ARHGEF28: variants seen among roughly 807,000 people sequenced by gnomAD.
ARHGEF28 encodes the protein 190 kDa guanine nucleotide exchange factor.
ARHGEF28 carries 152 observed loss-of-function variants against 206.6 expected under a neutral mutation model. That is an observed-to-expected ratio of 0.74 (90% confidence interval 0.64 to 0.84). The LOEUF (loss-of-function observed/expected upper bound fraction) is 0.84, where lower values mean the gene tolerates loss of function less well. Among genes scored for constraint, ARHGEF28 ranks in the 40% least tolerant of loss-of-function variants. The pLI is 0.00. For missense variants in ARHGEF28, 2,028 were observed against 2,073.2 expected, an observed-to-expected ratio of 0.98 and a Z score of 0.42; for synonymous variants, 763 against 776.4, an observed-to-expected ratio of 0.98 and a Z score of 0.29.
rs79107573 is a variant in ARHGEF28, at chr5:73,678,329, C to T, written c.-11-6512C>T. Among the ~76,000 whole-genome samples the T allele has an allele frequency of 5.8e-3, 879 of 151,852 alleles. 9 individuals are homozygous for T. The highest frequency in any genetic ancestry group is 0.02 in the African/African-American group (822 of 41,412). On this transcript the variant is annotated intron_variant, in intron 1 of 35. Coordinates refer to ENST00000513042, the MANE Select transcript of ARHGEF28 (RefSeq NM_001177693.2). ...AGTGAAAAGTGGTTGCTCTGAAAAA[C>T]AAAATTAATTGCTGTTCAAATGGTT...
At chr5:73,880,079 C>T (rs1580035602) in intron 22 of ARHGEF28, among the ~76,000 whole-genome samples, 1 of 152,212 alleles carries the variant, frequency 6.6e-6, no homozygotes, top group East Asian at 1.9e-4. Flanking sequence ...GTGGGCTCTA[C>T]CCACTTGGAG....
chr5:73,887,205 A>C (rs1473693332), intron 25 of ARHGEF28, among the ~76,000 whole-genome samples: 1 of 152,206 alleles, frequency 6.6e-6, no homozygotes, highest in Non-Finnish European at 1.5e-5. Context: ...GGAATCTTAA[A>C]CCTTGCTCAG....
At position 73,773,922 on chromosome 5, in the gene ARHGEF28, C is replaced by T; in HGVS notation, c.543C>T (p.Phe181=). 6.2e-7 allele frequency: 1 copy of T among 1,608,576 alleles called. No individual in the cohort carries two copies. Among genetic ancestry groups the T allele is most frequent in the Non-Finnish European group, 8.5e-7 (1 of 1,177,362 alleles). Residue 181 remains phenylalanine, a synonymous_variant, in exon 5 of 36, where the codon TTC becomes TTT. Transcript: ENST00000513042. The part of the protein sequence containing the change: ...MRWGLAKLSQ[F]FLCLPGGVQA... ...GGGGCCTGGCTAAACTTTCCCAGTT[C>T]TTCTTGTGTCTCCCGGGGGGAGTCC...
At chr5:73,832,518 A>G in intron 10 of ARHGEF28, 59 bp downstream of exon 10, 1 of 1,578,076 alleles carries the variant, frequency 6.3e-7, no homozygotes, top group Non-Finnish European at 8.6e-7. Flanking sequence ...CTGGGTTTGT[A>G]AGAAATAGAT....
chr5:73,882,610 CT>C lies in ARHGEF28; in HGVS notation c.2937+19del. 1 of 1,461,448 alleles carries C rather than the reference CT, an allele frequency of 6.8e-7. No homozygotes were observed. The highest frequency in any genetic ancestry group is 1.4e-5 in the South Asian group (1 of 72,274). The allele number at this position is 1,461,448 out of a possible 1,614,324, so 90.5% of individuals were successfully genotyped here. A position where few individuals can be genotyped will look rare whatever the true frequency, so the allele number is the denominator to read the frequency against. ...TTTTATTAAGGCAAGTATTTTAAAACTTTATTACAAAGTGATAAATCAGCAT... is the reference window on the plus strand; with the variant it reads ...TTTTATTAAGGCAAGTATTTTAAAACTTATTACAAAGTGATAAATCAGCAT... On this transcript the variant is annotated intron_variant, in intron 23 of 35. Transcript: ENST00000513042.
At chr5:73,804,526 A>AT (rs1426227820) in intron 9 of ARHGEF28, among the ~76,000 whole-genome samples, 1 of 152,218 alleles carries the variant, frequency 6.6e-6, no homozygotes, top group African/African-American at 2.4e-5. Flanking sequence ...ATTCTTTAAA[A>AT]TTTTTTTAAA....
rs1758372391 is a variant in ARHGEF28, at chr5:73,846,479, T to C, written c.1635+4T>C. On this transcript the variant is annotated splice_donor_region_variant and intron_variant, in intron 12 of 35. Coordinates refer to ENST00000513042, the MANE Select transcript of ARHGEF28 (RefSeq NM_001177693.2). ...ATCAAGTAATCTACAGTCGAAGGTA[T>C]TCTTATTGCTATTAATTTGGTATAT... 1.2e-6 allele frequency: 2 copies of C among 1,611,380 alleles called. No homozygotes were observed. Among genetic ancestry groups the C allele is most frequent in the Non-Finnish European group, 1.7e-6 (2 of 1,177,564 alleles).
intron 2 of ARHGEF28, among the ~76,000 whole-genome samples, chr5:73,716,926 C>G (rs1347447276): frequency 6.6e-6 from 1 of 151,972 alleles, no homozygotes; most frequent in South Asian, 2.1e-4. Context: ...TCTATGCCTC[C>G]TGTGCTTGGA....
intron 14 of ARHGEF28, among the ~76,000 whole-genome samples, chr5:73,854,059 A>G (rs1381059170): frequency 6.6e-6 from 1 of 150,640 alleles, no homozygotes; most frequent in East Asian, 1.9e-4. Context: ...TCTATTCTTT[A>G]ATCTTTCTTG....
At chr5:73,880,653 C>T (rs1760861189) in intron 22 of ARHGEF28, among the ~76,000 whole-genome samples, 2 of 152,298 alleles carry the variant, frequency 1.3e-5, no homozygotes, top group Admixed American at 6.5e-5. Flanking sequence ...ACAGTTTTTG[C>T]TGGGCATGGT....
At chr5:73,882,763 A>G (rs1207864303) in intron 23 of ARHGEF28, among the ~76,000 whole-genome samples, 169 bp downstream of exon 23, 2 of 152,306 alleles carry the variant, frequency 1.3e-5, no homozygotes, top group African/African-American at 4.8e-5. Flanking sequence ...TTTCTGTATT[A>G]GTAAAATATT....
At chr5:73,747,090 T>A (rs965897500) in intron 2 of ARHGEF28, among the ~76,000 whole-genome samples, 3 of 152,162 alleles carry the variant, frequency 2.0e-5, no homozygotes, top group Non-Finnish European at 4.4e-5. Flanking sequence ...TATTTGAGTG[T>A]TTTTTATTTT....
intron 1 of ARHGEF28, among the ~76,000 whole-genome samples, chr5:73,673,737 G>A (rs1400096181): frequency 1.3e-5 from 2 of 152,156 alleles, no homozygotes; most frequent in Non-Finnish European, 2.9e-5. Flanking sequence ...GTTTCTGGTA[G>A]ACACTAAGTT....
At chr5:73,661,122 C>T (rs1745574445) in intron 1 of ARHGEF28, among the ~76,000 whole-genome samples, 1 of 152,222 alleles carries the variant, frequency 6.6e-6, no homozygotes, top group Non-Finnish European at 1.5e-5. Flanking sequence ...CTGTAGCCAC[C>T]TTCATCAATG....
At position 73,844,268 on chromosome 5, in the gene ARHGEF28, C is replaced by T. The variant is rs140432609; in HGVS notation, c.1428-2000C>T. On this transcript the variant is annotated intron_variant, in intron 11 of 35. Transcript: ENST00000513042. ...TAACTGGAAAGGCTTGTGTTAAAAT[C>T]GGATATTATTGCGGGCTGCCAATCA... 1.8e-3 allele frequency among the ~76,000 whole-genome samples: 281 copies of T among 152,240 alleles called. 3 individuals are homozygous for T. Among genetic ancestry groups the T allele is most frequent in the African/African-American group, 6.3e-3 (263 of 41,562 alleles).
At chr5:73,650,888 A>G (rs1457740569) in intron 1 of ARHGEF28, among the ~76,000 whole-genome samples, 1 of 152,094 alleles carries the variant, frequency 6.6e-6, no homozygotes, top group Non-Finnish European at 1.5e-5. Flanking sequence ...GCCTCAAGTG[A>G]TCCACCCACC....
At chr5:73,695,444 G>A (rs1365731656) in intron 2 of ARHGEF28, among the ~76,000 whole-genome samples, 1 of 152,044 alleles carries the variant, frequency 6.6e-6, no homozygotes, top group African/African-American at 2.4e-5. Flanking sequence ...CTCTCGTCTT[G>A]ACCTCTGCCC....
chr5:73,719,376 A>G (rs1323626989), intron 2 of ARHGEF28, among the ~76,000 whole-genome samples: 1 of 150,644 alleles, frequency 6.6e-6, no homozygotes, highest in Non-Finnish European at 1.5e-5. Flanking sequence ...ACGCCGCTGC[A>G]CTTCAGCCTA....
intron 2 of ARHGEF28, among the ~76,000 whole-genome samples, chr5:73,740,176 C>CAAAA (rs550677123): frequency 1.2e-5 from 1 of 85,994 alleles, no homozygotes; most frequent in Non-Finnish European, 2.3e-5. Flanking sequence ...GAACCTATCT[C>CAAAA]AAAAAAAAAA....
Sources: allele counts gnomAD v4.1 joint callset (sites outside exome capture counted in the v4.1 genomes callset), GRCh38; gene constraint gnomAD v4.1.1; transcripts MANE v1.5; gene names NCBI Gene and HGNC (gene_info 2026-07-23, HGNC 2026-07-21).